TNFRSF10B: variants seen among roughly 807,000 people sequenced by gnomAD.
TNFRSF10B encodes the protein tumor necrosis factor receptor superfamily member 10B.
A neutral mutation model predicts 41.4 loss-of-function variants in TNFRSF10B; 35 were observed. The observed-to-expected ratio is 0.85, with a 90% CI of 0.65 to 1.12. The LOEUF (loss-of-function observed/expected upper bound fraction) is 1.12, where lower values mean the gene tolerates loss of function less well. Among genes scored for constraint, TNFRSF10B ranks in the 50% most tolerant of loss-of-function variants. The pLI, the probability that TNFRSF10B is intolerant of heterozygous loss-of-function variation, is 0.00. For synonymous variants in TNFRSF10B, 230 were observed against 215.5 expected, an observed-to-expected ratio of 1.07 and a Z score of -0.59; for missense variants, 584 against 552.7, an observed-to-expected ratio of 1.06 and a Z score of -0.57.
rs113554268 is a variant in TNFRSF10B at position 23,020,673 on chromosome 8, G to C, written c.*1998C>G. The C allele has an allele frequency of 1.0e-4, 47 of 454,004 alleles. No individual in the cohort carries two copies. Among genetic ancestry groups the C allele is most frequent in the African/African-American group, 7.4e-4 (37 of 50,096 alleles). 28.1% of individuals were successfully genotyped at this position (454,004 alleles called of 1,614,324 possible). ...TACCGTTGCACTCCAGCCTGGGCGAGAGAGTGAGATTCTGTCTCAAAAAAA... is the reference window on the plus strand; with the variant it reads ...TACCGTTGCACTCCAGCCTGGGCGACAGAGTGAGATTCTGTCTCAAAAAAA... On this transcript the variant is annotated 3_prime_UTR_variant, in exon 9 of 9. Transcript: ENST00000276431.
chr8:23,065,553 T>A (rs1812956935), intron 1 of TNFRSF10B, among the ~76,000 whole-genome samples: 1 of 152,202 alleles, frequency 6.6e-6, no homozygotes, highest in Non-Finnish European at 1.5e-5. Context: ...CTTCCCACAG[T>A]GGACAGAACG....
chr8:23,026,970 G>T (rs966188755), intron 7 of TNFRSF10B, among the ~76,000 whole-genome samples, 163 bp downstream of exon 7: 1 of 152,096 alleles, frequency 6.6e-6, no homozygotes, highest in Non-Finnish European at 1.5e-5. Flanking sequence ...AGACTGGCAC[G>T]GTCACCACCT....
intron 1 of TNFRSF10B, among the ~76,000 whole-genome samples, chr8:23,052,088 CATAT>C (rs1404765713): frequency 6.6e-6 from 1 of 151,978 alleles, no homozygotes; most frequent in East Asian, 1.9e-4. Context: ...TCGCAGTTTT[CATAT>C]ATAATCTGGG....
intron 1 of TNFRSF10B, among the ~76,000 whole-genome samples, chr8:23,059,374 C>G (rs1812758277): frequency 6.6e-6 from 1 of 152,234 alleles, no homozygotes; most frequent in Non-Finnish European, 1.5e-5. Context: ...GATGGATCAT[C>G]TGCTAATCCT....
intron 7 of TNFRSF10B, 47 bp from the exon 8 acceptor site, chr8:23,024,307 C>G: frequency 6.2e-7 from 1 of 1,609,468 alleles, no homozygotes; most frequent in Non-Finnish European, 8.5e-7. Flanking sequence ...AGGAGTCCTA[C>G]AGTCCAGTAC....
At chr8:23,031,038 C>T (rs181647349) in intron 2 of TNFRSF10B, among the ~76,000 whole-genome samples, 166 bp from the exon 3 acceptor site, 3 of 152,286 alleles carry the variant, frequency 2.0e-5, no homozygotes, top group African/African-American at 7.2e-5. Flanking sequence ...CACCTTAAAC[C>T]AGCACTGCCA....
Position 23,021,469 on chromosome 8 carries a change from G to A in TNFRSF10B, c.*1202C>T, listed in dbSNP as rs745946482. On this transcript the variant is annotated 3_prime_UTR_variant, in exon 9 of 9. Transcript: ENST00000276431. ...CTTCCCCCTTGATGCCATGGCAGAC[G>A]TGGGAGACAGATTTTGTCTTCTATC... 20 of 454,090 alleles carry A rather than the reference G, an allele frequency of 4.4e-5. No individual in the cohort carries two copies. Among genetic ancestry groups the A allele is most frequent in the South Asian group, 3.1e-4 (20 of 64,468 alleles). 28.1% of individuals were successfully genotyped at this position (454,090 alleles called of 1,614,324 possible).
intron 1 of TNFRSF10B, among the ~76,000 whole-genome samples, chr8:23,066,293 AACAC>A (rs1221904595): frequency 6.6e-6 from 1 of 152,144 alleles, no homozygotes; most frequent in Non-Finnish European, 1.5e-5. Context: ...AAAAAAGAAA[AACAC>A]AAAGATGACC....
Position 23,051,607 on chromosome 8 carries a change from C to T in TNFRSF10B, c.145-8364G>A, listed in dbSNP as rs576502145. On this transcript the variant is annotated intron_variant, in intron 1 of 8. Transcript: ENST00000276431. ...TCGCCCAGGCTGGAATGCAGTGGCG[C>T]GATCTCGGCTCACTGCAAGCTCTGC... 6.0e-4 allele frequency among the ~76,000 whole-genome samples: 91 copies of T among 151,196 alleles called. No homozygotes were observed. The South Asian group carries it at 0.019, about 31-fold the overall frequency.
intron 1 of TNFRSF10B, among the ~76,000 whole-genome samples, chr8:23,056,685 C>T (rs1220678739): frequency 6.6e-6 from 1 of 151,688 alleles, no homozygotes; most frequent in East Asian, 1.9e-4. Flanking sequence ...TTAATAGCTT[C>T]CCACAAGTTT....
rs562217560 is a variant in TNFRSF10B at position 23,022,815 on chromosome 8, G to A, written c.1179C>T (p.Thr393=). 57 of 1,613,910 alleles carry A rather than the reference G, an allele frequency of 3.5e-5. No homozygotes were observed. Among genetic ancestry groups the A allele is most frequent in the Non-Finnish European group, 4.1e-5 (48 of 1,179,876 alleles). The change falls in exon 9 of 9, where the codon ACC becomes ACT. Residue 393 remains threonine (T), a synonymous_variant. Coordinates refer to ENST00000276431, the MANE Select transcript of TNFRSF10B (RefSeq NM_003842.5). Reference sequence around the variant, plus strand: ...GGGTGTGGACAGAGGCATCTCGCCCGGTTTTGTTGACCCACTTTATCAGCA... The same window carrying A: ...GGGTGTGGACAGAGGCATCTCGCCCAGTTTTGTTGACCCACTTTATCAGCA... The part of the protein sequence containing the change: ...YTMLIKWVNK[T]GRDASVHTLL...
chr8:23,067,067 C>G (rs1813008248), intron 1 of TNFRSF10B, among the ~76,000 whole-genome samples: 1 of 151,758 alleles, frequency 6.6e-6, no homozygotes, highest in African/African-American at 2.4e-5. Flanking sequence ...CAACTTCTGC[C>G]TCCCAGGTTC....
At chr8:23,043,425 G>C (rs1812265471) in intron 1 of TNFRSF10B, among the ~76,000 whole-genome samples, 182 bp from the exon 2 acceptor site, 1 of 152,218 alleles carries the variant, frequency 6.6e-6, no homozygotes, top group African/African-American at 2.4e-5. Flanking sequence ...GGAAGGCCAA[G>C]TAACATACAC....
intron 1 of TNFRSF10B, among the ~76,000 whole-genome samples, chr8:23,045,123 G>A: frequency 6.7e-6 from 1 of 149,114 alleles, no homozygotes; most frequent in East Asian, 2.0e-4. Flanking sequence ...CCAGCTACTT[G>A]GGTGGCTGGG....
intron 1 of TNFRSF10B, among the ~76,000 whole-genome samples, chr8:23,054,795 G>C (rs1261511988): frequency 1.3e-5 from 2 of 152,092 alleles, no homozygotes; most frequent in Admixed American, 6.6e-5. Flanking sequence ...TCCATGGTTG[G>C]GCTCGGCTTT....
At chr8:23,033,448 G>A (rs1013585316) in intron 2 of TNFRSF10B, among the ~76,000 whole-genome samples, 4 of 151,954 alleles carry the variant, frequency 2.6e-5, no homozygotes, top group East Asian at 1.9e-4. Flanking sequence ...TTAGCCGGGC[G>A]AGGTGGCGGG....
At chr8:23,027,567 C>T in intron 6 of TNFRSF10B, 155 bp downstream of exon 6, 1 of 1,010,792 alleles carries the variant, frequency 9.9e-7, no homozygotes, top group Non-Finnish European at 1.5e-6. Context: ...CTCAAAATGG[C>T]CATGTGTCCC....
In TNFRSF10B at chr8:23,022,157, G is replaced by T; in HGVS notation, c.*514C>A. 4.5e-6 allele frequency: 2 copies of T among 448,056 alleles called. No individual in the cohort carries two copies. Among genetic ancestry groups the T allele is most frequent in the South Asian group, 3.1e-5 (2 of 63,676 alleles). The allele number at this position is 448,056 out of a possible 1,614,324, so 27.8% of individuals were successfully genotyped here. On this transcript the variant is annotated 3_prime_UTR_variant, in exon 9 of 9. Coordinates refer to ENST00000276431, the MANE Select transcript of TNFRSF10B (RefSeq NM_003842.5). ...CACCTGTGGTCCCAGCTATTTGGAT[G>T]GCTGAGGTGGGAGAATCGCTTGAGC...
chr8:23,053,047 G>C (rs1422407919), intron 1 of TNFRSF10B, among the ~76,000 whole-genome samples: 5 of 152,218 alleles, frequency 3.3e-5, no homozygotes. Flanking sequence ...TGTGTAAGTT[G>C]TGAAAGAATT....
Sources: allele counts gnomAD v4.1 joint callset (sites outside exome capture counted in the v4.1 genomes callset), GRCh38; gene constraint gnomAD v4.1.1; transcripts MANE v1.5; gene names NCBI Gene and HGNC (gene_info 2026-07-23, HGNC 2026-07-21).